TTC23: variants seen among roughly 807,000 people sequenced by gnomAD.
TTC23 encodes the protein tetratricopeptide repeat protein 23.
TTC23 carries 58 observed loss-of-function variants against 55.1 expected under a neutral mutation model. The observed-to-expected ratio is 1.05, with a 90% CI of 0.85 to 1.31. The LOEUF (loss-of-function observed/expected upper bound fraction) is 1.31. Ranked by LOEUF, TTC23 falls within the 50% of genes most tolerant of loss-of-function variation. The pLI is 0.00. For missense variants in TTC23, 516 were observed against 534.4 expected (o/e 0.97, Z 0.34); for synonymous variants, 203 against 199.9 (o/e 1.02, Z -0.13).
upstream of TTC23, among the ~76,000 whole-genome samples, chr15:99,250,401 T>G (rs1324310707): frequency 6.6e-6 from 1 of 152,220 alleles, no homozygotes; most frequent in Non-Finnish European, 1.5e-5. Flanking sequence ...TATGAATAAT[T>G]AAGTCAGCAA....
chr15:99,139,490 T>C (rs782438509), intron 12 of TTC23, 91 bp from the exon 13 acceptor site: 3 of 1,579,682 alleles, frequency 1.9e-6, no homozygotes, highest in East Asian at 4.6e-5. Context: ...AAAGATGACC[T>C]CATTCTTAGG....
intron 8 of TTC23, among the ~76,000 whole-genome samples, chr15:99,204,914 G>A (rs1007213739): frequency 6.6e-6 from 1 of 152,068 alleles, no homozygotes; most frequent in African/African-American, 2.4e-5. Flanking sequence ...GGGACTACAG[G>A]CATGTGCCCC....
intron 3 of TTC23, among the ~76,000 whole-genome samples, chr15:99,238,460 G>A (rs2079504823): frequency 6.6e-6 from 1 of 152,170 alleles, no homozygotes; most frequent in Admixed American, 6.6e-5. Context: ...TAAGACTTCA[G>A]AAATGGGAAT....
intron 4 of TTC23, among the ~76,000 whole-genome samples, chr15:99,233,261 A>G (rs1167544191): frequency 1.3e-5 from 2 of 152,248 alleles, no homozygotes; most frequent in African/African-American, 4.8e-5. Flanking sequence ...GAGGTAATAC[A>G]TATGTTAATT....
At chr15:99,197,248 G>T (rs544932848) in intron 9 of TTC23, among the ~76,000 whole-genome samples, 2 of 152,072 alleles carry the variant, frequency 1.3e-5, no homozygotes, top group South Asian at 2.1e-4. Context: ...GACTACAGGC[G>T]CCCGCCACCA....
At chr15:99,188,229 G>A (rs1451319945) in intron 9 of TTC23, among the ~76,000 whole-genome samples, 2 of 151,984 alleles carry the variant, frequency 1.3e-5, no homozygotes, top group East Asian at 1.9e-4. Context: ...CTAAATGAAA[G>A]AAGTCAGACA....
At chr15:99,197,825 G>C (rs1245681133) in intron 9 of TTC23, among the ~76,000 whole-genome samples, 1 of 151,620 alleles carries the variant, frequency 6.6e-6, no homozygotes, top group African/African-American at 2.4e-5. Context: ...AGAATTGCTT[G>C]AACCCAGGAG....
rs550799680 is a variant in TTC23, at chr15:99,177,496, G to T, written c.760-2341C>A. Among the ~76,000 whole-genome samples the T allele has an allele frequency of 3.9e-5, 6 of 152,244 alleles. No individual in the cohort carries two copies. The South Asian group carries it at 1.2e-3, about 32-fold the overall frequency. ...CAGGGATAGAGTCAAATTATTGCTT[G>T]TGTAGTGTTTGGAGAAAGGAAAAAA... is the stretch of plus-strand genomic sequence containing the variant. On this transcript the variant is annotated intron_variant, in intron 9 of 13. Transcript: ENST00000394132.
chr15:99,156,660 T>A (rs2070623514), intron 11 of TTC23, among the ~76,000 whole-genome samples: 1 of 152,182 alleles, frequency 6.6e-6, no homozygotes. Context: ...AAGAACGGCA[T>A]GGGGGTAACC....
At chr15:99,200,438 C>T (rs2076105911) in intron 8 of TTC23, among the ~76,000 whole-genome samples, 1 of 152,082 alleles carries the variant, frequency 6.6e-6, no homozygotes. Flanking sequence ...CTAGAATAAC[C>T]TCTAATACAC....
At chr15:99,206,953 C>T (rs369965228) in intron 8 of TTC23, among the ~76,000 whole-genome samples, 4 of 151,842 alleles carry the variant, frequency 2.6e-5, no homozygotes, top group East Asian at 3.8e-4. Context: ...TATAAACTTC[C>T]CTCTTAGTAC....
chr15:99,144,108 C>T (rs1313325740), intron 12 of TTC23, among the ~76,000 whole-genome samples: 5 of 152,158 alleles, frequency 3.3e-5, no homozygotes, highest in East Asian at 1.9e-4. Context: ...AGGACTCATT[C>T]GGAAAGCTGG....
At chr15:99,247,845 T>TGA (rs1486203454) in intron 1 of TTC23, among the ~76,000 whole-genome samples, 39 of 151,506 alleles carry the variant, frequency 2.6e-4, no homozygotes, top group African/African-American at 3.9e-4. Flanking sequence ...TTTTCTAAAA[T>TGA]TGGAATGTGG....
At chr15:99,151,651 C>A (rs558105241) in intron 12 of TTC23, among the ~76,000 whole-genome samples, 2 of 152,340 alleles carry the variant, frequency 1.3e-5, no homozygotes, top group African/African-American at 2.4e-5. Context: ...CTAGTTTCAA[C>A]TGTATTCTGT....
At chr15:99,205,647 A>G (rs1476727624) in intron 8 of TTC23, among the ~76,000 whole-genome samples, 1 of 149,348 alleles carries the variant, frequency 6.7e-6, no homozygotes, top group Non-Finnish European at 1.5e-5. Flanking sequence ...TGATTTTTGT[A>G]TGTTGATTTT....
At chr15:99,138,984 G>A (rs1052102602) in intron 13 of TTC23, among the ~76,000 whole-genome samples, 6 of 152,210 alleles carry the variant, frequency 3.9e-5, no homozygotes, top group African/African-American at 1.4e-4. Flanking sequence ...GCATCCGAGG[G>A]CAGAGGGAAG....
At chr15:99,214,989 G>A (rs2077359173) in intron 8 of TTC23, among the ~76,000 whole-genome samples, 1 of 151,330 alleles carries the variant, frequency 6.6e-6, no homozygotes, top group Admixed American at 6.6e-5. Flanking sequence ...CCGAGTAGCT[G>A]GGATTACAGG....
chr15:99,218,572 T>C lies in TTC23; in HGVS notation c.581+16A>G. The C allele has an allele frequency of 1.2e-6, 2 of 1,614,114 alleles. No individual in the cohort carries two copies. The highest frequency in any genetic ancestry group is 1.7e-6 in the Non-Finnish European group (2 of 1,179,996). On this transcript the variant is annotated intron_variant, in intron 8 of 13. Transcript: ENST00000394132. Reference sequence around the variant, plus strand: ...TCCCGCCATCATGTATGCAAAATCCTAAACTTGAAACTTACTGTGCAAATG... The same window carrying C: ...TCCCGCCATCATGTATGCAAAATCCCAAACTTGAAACTTACTGTGCAAATG...
At chr15:99,162,814 T>C (rs1004179098) in intron 10 of TTC23, among the ~76,000 whole-genome samples, 4 of 152,062 alleles carry the variant, frequency 2.6e-5, no homozygotes, top group Admixed American at 1.3e-4. Flanking sequence ...GGGTGGTGGC[T>C]CACACTTGTA....
Sources: gnomAD v4.1 joint callset for allele counts (sites outside exome capture counted in the v4.1 genomes callset) on GRCh38, gnomAD v4.1.1 for gene constraint, MANE v1.5 for transcripts, NCBI Gene and HGNC (gene_info 2026-07-23, HGNC 2026-07-21) for gene names.